Variants in EEFSEC observed in about 807,000 individuals in gnomAD.
EEFSEC encodes the protein selenocysteine-specific elongation factor.
Under a neutral mutation model 42.1 loss-of-function variants are expected in EEFSEC, and 43 were observed. The observed-to-expected ratio is 1.02, with a 90% CI of 0.80 to 1.32. The LOEUF is 1.32. Among genes scored for constraint, EEFSEC ranks in the 40% most tolerant of loss-of-function variants. The pLI, the probability that EEFSEC is intolerant of heterozygous loss-of-function variation, is 0.00. For missense variants in EEFSEC, 745 were observed against 803.6 expected (o/e 0.93, Z 0.88); for synonymous variants, 354 against 339.1 (o/e 1.04, Z -0.48).
At chr3:128,305,261 C>CT (rs1261943653) in intron 4 of EEFSEC, among the ~76,000 whole-genome samples, 2 of 152,060 alleles carry the variant, frequency 1.3e-5, no homozygotes, top group Non-Finnish European at 2.9e-5. Flanking sequence ...AGGTATCCTA[C>CT]TTAGTTGTAT....
intron 4 of EEFSEC, among the ~76,000 whole-genome samples, chr3:128,288,347 T>A (rs1399737902): frequency 6.6e-6 from 1 of 152,198 alleles, no homozygotes; most frequent in African/African-American, 2.4e-5. Flanking sequence ...TCCTTTTCAC[T>A]GTATTCTAGA....
chr3:128,160,608 C>G lies in EEFSEC; in HGVS notation c.316+6785C>G, dbSNP rs1277380743. Among the ~76,000 whole-genome samples, 5 of 152,300 alleles carry G rather than the reference C, an allele frequency of 3.3e-5. No homozygotes were observed. The South Asian group carries it at 1.0e-3, about 32-fold the overall frequency. On this transcript the variant is annotated intron_variant, in intron 1 of 6. Transcript: ENST00000254730. The stretch of plus-strand genomic sequence containing the variant: ...GTGTGGTTTTCTCTAGCTGCACCTG[C>G]ACCTGGCATCCCTGGGAGATCGGGC...
At chr3:128,321,365 G>C (rs2067006161) in intron 4 of EEFSEC, among the ~76,000 whole-genome samples, 1 of 152,190 alleles carries the variant, frequency 6.6e-6, no homozygotes, top group Non-Finnish European at 1.5e-5. Context: ...CTGCTGCCAA[G>C]TTCTGCCTCC....
intron 2 of EEFSEC, among the ~76,000 whole-genome samples, chr3:128,250,151 T>C (rs1037195991): frequency 6.6e-6 from 1 of 152,216 alleles, no homozygotes. Flanking sequence ...ATTCTGGACA[T>C]TAATCCCTTG....
intron 4 of EEFSEC, among the ~76,000 whole-genome samples, chr3:128,283,023 G>A (rs950538616): frequency 6.6e-6 from 1 of 152,232 alleles, no homozygotes; most frequent in African/African-American, 2.4e-5. Context: ...TTCCTGCCAG[G>A]AGGCCTGCAG....
chr3:128,232,827 G>T (rs1410480001), intron 1 of EEFSEC, among the ~76,000 whole-genome samples: 1 of 152,210 alleles, frequency 6.6e-6, no homozygotes, highest in Non-Finnish European at 1.5e-5. Flanking sequence ...TGGGAGCCCT[G>T]TGGCCCTACA....
chr3:128,254,587 G>A (rs1232615563), intron 2 of EEFSEC, among the ~76,000 whole-genome samples: 1 of 152,192 alleles, frequency 6.6e-6, no homozygotes, highest in Non-Finnish European at 1.5e-5. Flanking sequence ...GCCATTGCCT[G>A]GGTGAGGTTT....
rs79987583 is a variant in EEFSEC, at chr3:128,171,847, T to A, written c.316+18024T>A. On this transcript the variant is annotated intron_variant, in intron 1 of 6. Transcript: ENST00000254730. ...TTGAAAATATTAAAAAAAAAAAAAATGAAAACAACAAAAATAACAATTCAA... is the reference window on the plus strand; with the variant it reads ...TTGAAAATATTAAAAAAAAAAAAAAAGAAAACAACAAAAATAACAATTCAA... Among the ~76,000 whole-genome samples, 684 of 135,604 alleles carry A rather than the reference T, an allele frequency of 5.0e-3. 2 individuals carry two copies. The highest frequency in any genetic ancestry group is 7.8e-3 in the Admixed American group (107 of 13,794). The allele number at this position is 135,604 out of a possible 152,430, so 89.0% of individuals were successfully genotyped here. A position where few individuals can be genotyped will look rare whatever the true frequency, so the allele number is the denominator to read the frequency against.
chr3:128,394,269 C>A (rs1212997755), intron 6 of EEFSEC, among the ~76,000 whole-genome samples: 1 of 152,234 alleles, frequency 6.6e-6, no homozygotes, highest in Non-Finnish European at 1.5e-5. Flanking sequence ...AGAGATGCCA[C>A]GCCACCCCTG....
chr3:128,153,838 G>C lies in EEFSEC; in HGVS notation c.316+15G>C, dbSNP rs1944309078. 10 of 1,497,736 alleles carry C rather than the reference G, an allele frequency of 6.7e-6. No homozygotes were observed. Among genetic ancestry groups the C allele is most frequent in the Non-Finnish European group, 7.1e-6 (8 of 1,131,496 alleles). 92.8% of individuals were successfully genotyped at this position (1,497,736 alleles called of 1,614,324 possible). ...CATCATCGGCGGTGAGCGCGGGCCG[G>C]GGCGGGAGCCGGGCTCAGGGACGCG... On this transcript the variant is annotated intron_variant, in intron 1 of 6. Coordinates refer to ENST00000254730, the MANE Select transcript of EEFSEC (RefSeq NM_021937.5).
intron 2 of EEFSEC, among the ~76,000 whole-genome samples, chr3:128,247,362 G>T (rs939455369): frequency 1.4e-4 from 22 of 152,176 alleles, no homozygotes; most frequent in African/African-American, 5.1e-4. Context: ...ACTGGCAAGG[G>T]TTCAGATCCT....
At chr3:128,316,236 C>T (rs536180803) in intron 4 of EEFSEC, among the ~76,000 whole-genome samples, 15 of 152,200 alleles carry the variant, frequency 9.9e-5, no homozygotes, top group Admixed American at 2.0e-4. Context: ...TAAAATTCTA[C>T]TTCCCAGAGA....
intron 4 of EEFSEC, among the ~76,000 whole-genome samples, chr3:128,285,162 C>T (rs2066569847): frequency 6.6e-6 from 1 of 152,070 alleles, no homozygotes; most frequent in Non-Finnish European, 1.5e-5. Flanking sequence ...ATGCCTTGAG[C>T]ACGGGGCAAG....
intron 1 of EEFSEC, among the ~76,000 whole-genome samples, chr3:128,200,491 T>C (rs760651192): frequency 8.5e-5 from 13 of 152,132 alleles, no homozygotes; most frequent in Non-Finnish European, 1.5e-4. Flanking sequence ...TTTCTCCATG[T>C]TGGTCAGGCT....
chr3:128,278,787 G>A (rs1002242557), intron 4 of EEFSEC, among the ~76,000 whole-genome samples: 1 of 152,104 alleles, frequency 6.6e-6, no homozygotes, highest in African/African-American at 2.4e-5. Context: ...TGCAGGGGAG[G>A]GTATTTCTAG....
At chr3:128,339,774 A>T (rs3849531) in intron 4 of EEFSEC, among the ~76,000 whole-genome samples, 65,333 of 151,606 alleles carry the variant, frequency 0.43, 16,911 homozygotes, top group African/African-American at 0.73. Context: ...TTTATTTTTT[A>T]AAAAAAAGAG....
chr3:128,404,133 T>C (rs1288473717), intron 6 of EEFSEC, among the ~76,000 whole-genome samples: 1 of 152,214 alleles, frequency 6.6e-6, no homozygotes, highest in African/African-American at 2.4e-5. Flanking sequence ...CTTCCCTATG[T>C]TTGCCACATG....
At position 128,247,050 on chromosome 3, in the gene EEFSEC, C is replaced by T. The variant is rs763628188; in HGVS notation, c.524+7C>T. On this transcript the variant is annotated splice_region_variant and intron_variant, in intron 2 of 6. Coordinates refer to ENST00000254730, the MANE Select transcript of EEFSEC (RefSeq NM_021937.5). ...AGACCCTAGAGAACACCAAGTAGGT[C>T]TGCTAATGAGAGCAATGTTCACTGC... The T allele has an allele frequency of 6.2e-7, 1 of 1,613,676 alleles. No individual in the cohort carries two copies. Among genetic ancestry groups the T allele is most frequent in the South Asian group, 1.1e-5 (1 of 91,058 alleles).
rs550718113 is a variant in EEFSEC, at chr3:128,224,817, T to C, written c.317-22019T>C. 7.2e-5 allele frequency among the ~76,000 whole-genome samples: 11 copies of C among 152,358 alleles called. No homozygotes were observed. The South Asian group carries it at 2.3e-3, about 32-fold the overall frequency. On this transcript the variant is annotated intron_variant, in intron 1 of 6. Transcript: ENST00000254730. Reference sequence around the variant, plus strand: ...TTTCTTGAAAAATGTTCTTCAAATATGGTTCCCTACCTCCTCCCTCCACAA... The same window carrying C: ...TTTCTTGAAAAATGTTCTTCAAATACGGTTCCCTACCTCCTCCCTCCACAA...
Sources: gnomAD v4.1 joint callset for allele counts (sites outside exome capture counted in the v4.1 genomes callset) on GRCh38, gnomAD v4.1.1 for gene constraint, MANE v1.5 for transcripts, NCBI Gene and HGNC (gene_info 2026-07-23, HGNC 2026-07-21) for gene names.